Variants in HEATR1 observed in about 807,000 individuals in gnomAD.
HEATR1 encodes the protein HEAT repeat containing 1.
A neutral mutation model predicts 248.2 loss-of-function variants in HEATR1; 77 were observed. That is an observed-to-expected ratio of 0.31 (90% CI 0.26 to 0.37). The LOEUF (loss-of-function observed/expected upper bound fraction) is 0.37. Among genes scored for constraint, HEATR1 ranks in the 10% least tolerant of loss-of-function variants. The pLI is 1.00. For missense variants in HEATR1, 2,420 were observed against 2,504.9 expected (o/e 0.97, Z 0.72); for synonymous variants, 897 against 923.1 (o/e 0.97, Z 0.51).
chr1:236,580,893 C>T (rs980479134), intron 20 of HEATR1, among the ~76,000 whole-genome samples: 1 of 144,730 alleles, frequency 6.9e-6, no homozygotes, highest in African/African-American at 2.6e-5. Context: ...AATCTCGGCT[C>T]ACTGCAACCT....
At chr1:236,580,741 T>G (rs1314575220) in intron 20 of HEATR1, among the ~76,000 whole-genome samples, 1 of 151,864 alleles carries the variant, frequency 6.6e-6, no homozygotes. Context: ...GGTCTTGAAC[T>G]CTTGGCCTCA....
chr1:236,554,090 A>G (rs1662866992), intron 42 of HEATR1, among the ~76,000 whole-genome samples: 1 of 152,174 alleles, frequency 6.6e-6, no homozygotes, highest in Non-Finnish European at 1.5e-5. Flanking sequence ...TTAAAAAATA[A>G]AAAATAAAAA....
intron 20 of HEATR1, among the ~76,000 whole-genome samples, chr1:236,579,322 A>G (rs924546465): frequency 6.6e-6 from 1 of 152,250 alleles, no homozygotes; most frequent in Admixed American, 6.5e-5. Flanking sequence ...CATGCCCACA[A>G]AGGGCAATAC....
At chr1:236,568,931 G>A (rs1362401445) in intron 29 of HEATR1, 65 bp downstream of exon 29, 6 of 786,288 alleles carry the variant, frequency 7.6e-6, no homozygotes, top group Non-Finnish European at 1.0e-5. Context: ...GGCTTTTAAT[G>A]TCATTTATAT....
At position 236,587,408 on chromosome 1, in the gene HEATR1, C is replaced by A; in HGVS notation, c.1709G>T (p.Gly570Val). The change falls in exon 14 of 45, where the codon GGA becomes GTA. Residue 570 changes from glycine (G) to valine (V), a missense_variant. Transcript: ENST00000366582. ...LFQRAELSKN[G>V]EWYEVLKIAA... ...AGGAGAAATGAATACATACCATTCT[C>A]CATTCTTTGAAAGTTCTGCTCTTTG... 6.7e-7 allele frequency: 1 copy of A among 1,482,174 alleles called. No individual in the cohort carries two copies. The highest frequency in any genetic ancestry group is 9.2e-7 in the Non-Finnish European group (1 of 1,086,742). The allele number at this position is 1,482,174 out of a possible 1,614,324, so 91.8% of individuals were successfully genotyped here. A position where few individuals can be genotyped will look rare whatever the true frequency, so the allele number is the denominator to read the frequency against.
chr1:236,565,256 G>A (rs1459325787), intron 31 of HEATR1, among the ~76,000 whole-genome samples: 2 of 152,172 alleles, frequency 1.3e-5, no homozygotes, highest in South Asian at 2.1e-4. Flanking sequence ...TCCTTCTAAC[G>A]TGCCTTGTCG....
At chr1:236,575,074 T>G (rs972069416) in intron 22 of HEATR1, among the ~76,000 whole-genome samples, 171 bp from the exon 23 acceptor site, 1 of 152,196 alleles carries the variant, frequency 6.6e-6, no homozygotes, top group Non-Finnish European at 1.5e-5. Flanking sequence ...ACTAAGGCAC[T>G]CAGGTCCTTT....
chr1:236,587,344 G>C lies in HEATR1; in HGVS notation c.1715+58C>G, dbSNP rs1410724678. 11 of 786,510 alleles carry C rather than the reference G, an allele frequency of 1.4e-5. No individual in the cohort carries two copies. The Admixed American group carries it at 3.7e-4, about 26-fold the overall frequency. 48.7% of individuals were successfully genotyped at this position (786,510 alleles called of 1,614,324 possible). A position where few individuals can be genotyped will look rare whatever the true frequency, so the allele number is the denominator to read the frequency against. ...AAAAAAAAAGAAGAAGAAATAGAAAGAACTTGATATAAGAACTTCATCAAT... is the reference window on the plus strand; with the variant it reads ...AAAAAAAAAGAAGAAGAAATAGAAACAACTTGATATAAGAACTTCATCAAT... On this transcript the variant is annotated intron_variant, in intron 14 of 44. Transcript: ENST00000366582.
rs1475069840 is a variant in HEATR1 at position 236,600,634 on chromosome 1, G to A, written c.360-1010C>T. Reference sequence around the variant, plus strand: ...CAACCTTCGCCTCCCAAGTTCAAGCGATTCTCATGCCCTAGCCTCCCAAGT... The same window carrying A: ...CAACCTTCGCCTCCCAAGTTCAAGCAATTCTCATGCCCTAGCCTCCCAAGT... On this transcript the variant is annotated intron_variant, in intron 3 of 44. Transcript: ENST00000366582. 2.6e-5 allele frequency among the ~76,000 whole-genome samples: 4 copies of A among 151,706 alleles called. No homozygotes were observed. In the East Asian group the frequency reaches 5.8e-4, roughly 22 times the overall value.
rs751498747 is a variant in HEATR1 at position 236,566,923 on chromosome 1, C to A, written c.4078-47G>T. On this transcript the variant is annotated intron_variant, in intron 29 of 44. Coordinates refer to ENST00000366582, the MANE Select transcript of HEATR1 (RefSeq NM_018072.6). Reference sequence around the variant, plus strand: ...CAATGAGTAGGTGCAAGTAATCTTCCACAAAACAAGTTTAGGTGAACAAGA... The same window carrying A: ...CAATGAGTAGGTGCAAGTAATCTTCAACAAAACAAGTTTAGGTGAACAAGA... 1.4e-5 allele frequency: 18 copies of A among 1,300,176 alleles called. No individual in the cohort carries two copies. The East Asian group carries it at 4.2e-4, about 30-fold the overall frequency. 80.5% of individuals were successfully genotyped at this position (1,300,176 alleles called of 1,614,324 possible).
chr1:236,574,910 A>G lies in HEATR1; in HGVS notation c.3085-7T>C. On this transcript the variant is annotated splice_polypyrimidine_tract_variant and splice_region_variant and intron_variant, in intron 22 of 44. Transcript: ENST00000366582. The stretch of plus-strand genomic sequence containing the variant: ...ATAGCTGAGAAAGCACCATCTAAAG[A>G]TCCAAAGACTTAGTAGTAAATAGTT... The G allele has an allele frequency of 1.2e-6, 2 of 1,611,604 alleles. No individual in the cohort carries two copies. The highest frequency in any genetic ancestry group is 1.7e-6 in the Non-Finnish European group (2 of 1,179,102).
At position 236,565,904 on chromosome 1, in the gene HEATR1, C is replaced by A. The variant is rs372095266; in HGVS notation, c.4435+15G>T. 10 of 1,607,952 alleles carry A rather than the reference C, an allele frequency of 6.2e-6. No homozygotes were observed. In the African/African-American group the frequency reaches 1.2e-4, roughly 19 times the overall value. ...TTTCAGATTGAACAGTAAGTGACACCCGATCTACGCTTACCTTCTTTTTCC... is the reference window on the plus strand; with the variant it reads ...TTTCAGATTGAACAGTAAGTGACACACGATCTACGCTTACCTTCTTTTTCC... On this transcript the variant is annotated intron_variant, in intron 31 of 44. Coordinates refer to ENST00000366582, the MANE Select transcript of HEATR1 (RefSeq NM_018072.6).
At chr1:236,554,048 A>T (rs546326302) in intron 42 of HEATR1, among the ~76,000 whole-genome samples, 74 of 152,306 alleles carry the variant, frequency 4.9e-4, no homozygotes, top group African/African-American at 1.8e-3. Context: ...ATTAACCATG[A>T]CAGCTTATAT....
At position 236,559,825 on chromosome 1, in the gene HEATR1, G is replaced by A. The variant is rs768939723; in HGVS notation, c.4659C>T (p.Thr1553=). Reference sequence around the variant, plus strand: ...CAACTGCACTGATATAGCCGAGAACGGTCTCCAGCAACCTGAAACACAGAG... The same window carrying A: ...CAACTGCACTGATATAGCCGAGAACAGTCTCCAGCAACCTGAAACACAGAG... The part of the protein sequence containing the change: ...LKGLEERLLE[T]VLGYISAVAQ... The change falls in exon 34 of 45, where the codon ACC becomes ACT. Residue 1553 remains threonine (T), a synonymous_variant. Coordinates refer to ENST00000366582, the MANE Select transcript of HEATR1 (RefSeq NM_018072.6). 17 of 1,605,718 alleles carry A rather than the reference G, an allele frequency of 1.1e-5. No individual in the cohort carries two copies. The highest frequency in any genetic ancestry group is 5.1e-5 in the Admixed American group (3 of 59,092).
chr1:236,574,341 G>A lies in HEATR1; in HGVS notation c.3328-8C>T, dbSNP rs774384753. Reference sequence around the variant, plus strand: ...AAAAAATGGTTTTGTAATCTAGAGGGGGTAGAAAAAAGGCAACTGAGTTCA... The same window carrying A: ...AAAAAATGGTTTTGTAATCTAGAGGAGGTAGAAAAAAGGCAACTGAGTTCA... On this transcript the variant is annotated splice_region_variant and splice_polypyrimidine_tract_variant and intron_variant, in intron 23 of 44. Transcript: ENST00000366582. 1.2e-6 allele frequency: 2 copies of A among 1,600,314 alleles called. No homozygotes were observed. Among genetic ancestry groups the A allele is most frequent in the East Asian group, 4.5e-5 (2 of 44,580 alleles).
intron 13 of HEATR1, 23 bp from the exon 14 acceptor site, chr1:236,587,513 AG>A (rs774033139): frequency 7.9e-6 from 10 of 1,264,190 alleles, no homozygotes; most frequent in East Asian, 2.5e-5. Context: ...AAATATCCAG[AG>A]TAGATTTGTA....
intron 29 of HEATR1, 105 bp downstream of exon 29, chr1:236,568,891 A>C (rs1663344274): frequency 6.8e-6 from 4 of 586,780 alleles, no homozygotes; most frequent in Non-Finnish European, 9.1e-6. Context: ...ATATTAAAAA[A>C]AAAAAACAAA....
chr1:236,591,350 A>C (rs973932278), intron 11 of HEATR1, among the ~76,000 whole-genome samples: 5 of 152,238 alleles, frequency 3.3e-5, no homozygotes, highest in African/African-American at 1.2e-4. Context: ...GTGACAACTT[A>C]GTTCACTTAC....
rs1662591559 is a variant in HEATR1 at position 236,549,090 on chromosome 1, T to A, written c.*1812A>T. 1 of 398,104 alleles carries A rather than the reference T, an allele frequency of 2.5e-6. No individual in the cohort carries two copies. Among genetic ancestry groups the A allele is most frequent in the African/African-American group, 2.1e-5 (1 of 48,618 alleles). The allele number at this position is 398,104 out of a possible 1,614,324, so 24.7% of individuals were successfully genotyped here. A position where few individuals can be genotyped will look rare whatever the true frequency, so the allele number is the denominator to read the frequency against. On this transcript the variant is annotated 3_prime_UTR_variant, in exon 45 of 45. Coordinates refer to ENST00000366582, the MANE Select transcript of HEATR1 (RefSeq NM_018072.6). ...ATAAGGCAGGCACTATCAGAAAGTGTACGCCAACTAAGGGACCCACAAAGC... is the reference window on the plus strand; with the variant it reads ...ATAAGGCAGGCACTATCAGAAAGTGAACGCCAACTAAGGGACCCACAAAGC...
Sources: allele counts gnomAD v4.1 joint callset (sites outside exome capture counted in the v4.1 genomes callset), GRCh38; gene constraint gnomAD v4.1.1; transcripts MANE v1.5; gene names NCBI Gene and HGNC (gene_info 2026-07-23, HGNC 2026-07-21).